LRRC37A2: variants seen among roughly 807,000 people sequenced by gnomAD.
LRRC37A2 encodes leucine-rich repeat-containing protein 37A2.
LRRC37A2 carries 9 observed loss-of-function variants against 68.8 expected under a neutral mutation model. That is an observed-to-expected ratio of 0.13 (90% CI 0.08 to 0.23). The LOEUF (loss-of-function observed/expected upper bound fraction) is 0.23. Among genes scored for constraint, LRRC37A2 ranks in the 10% least tolerant of loss-of-function variants. The pLI, the probability that LRRC37A2 is intolerant of heterozygous loss-of-function variation, is 1.00. For missense variants in LRRC37A2, 168 were observed against 950.4 expected (o/e 0.18, Z 10.82); for synonymous variants, 63 against 367.6 (o/e 0.17, Z 9.48).
chr17:47,019,791 T>G, the LRRC37A2 span: 1 of 1,165,414 alleles, frequency 8.6e-7, no homozygotes, highest in African/African-American at 1.6e-5. Flanking sequence ...AATGGCACCT[T>G]CACCATCTTG....
the LRRC37A2 span, among the ~76,000 whole-genome samples, chr17:46,708,824 T>TA: frequency 0.34 from 18,104 of 53,504 alleles, 2,183 homozygotes; most frequent in South Asian, 0.58. Context: ...ATATATATAT[T>TA]TTTTTTTTTT....
chr17:46,791,323 C>T, the LRRC37A2 span, among the ~76,000 whole-genome samples: 1 of 152,104 alleles, frequency 6.6e-6, no homozygotes, highest in Non-Finnish European at 1.5e-5. Context: ...AAGCGATTCT[C>T]CTCCTGAGTA....
the LRRC37A2 span, among the ~76,000 whole-genome samples, chr17:46,896,014 C>T: frequency 2.2e-3 from 332 of 152,172 alleles, no homozygotes; most frequent in South Asian, 2.5e-3. Context: ...CGCAGTGGCT[C>T]ATGCCTGTAA....
the LRRC37A2 span, among the ~76,000 whole-genome samples, chr17:46,953,829 A>T: frequency 6.6e-6 from 1 of 152,166 alleles, no homozygotes; most frequent in African/African-American, 2.4e-5. Context: ...TGGCTGCATA[A>T]ATGTCTTCTT....
the LRRC37A2 span, among the ~76,000 whole-genome samples, chr17:46,988,642 C>T: frequency 6.6e-6 from 1 of 152,034 alleles, no homozygotes; most frequent in South Asian, 2.1e-4. Flanking sequence ...AGTGGTCAGG[C>T]CAAGGTGGAG....
At chr17:46,875,108 A>C in the LRRC37A2 span, 1 of 1,613,674 alleles carries the variant, frequency 6.2e-7, no homozygotes, top group Non-Finnish European at 8.5e-7. Context: ...CAGGCTTCAA[A>C]GAGACAGCTT....
the LRRC37A2 span, among the ~76,000 whole-genome samples, chr17:47,003,675 C>G: frequency 6.6e-6 from 1 of 151,922 alleles, no homozygotes; most frequent in Non-Finnish European, 1.5e-5. Flanking sequence ...CCTGGGATTT[C>G]TCCCATCCAG....
At chr17:46,720,900 C>T in the LRRC37A2 span, among the ~76,000 whole-genome samples, 1 of 152,150 alleles carries the variant, frequency 6.6e-6, no homozygotes, top group African/African-American at 2.4e-5. Context: ...CTTGTGATCC[C>T]GAAAGGCTGG....
chr17:46,830,721 C>G, the LRRC37A2 span: 2 of 398,512 alleles, frequency 5.0e-6, no homozygotes, highest in Non-Finnish European at 8.8e-6. Flanking sequence ...GGTGACACTT[C>G]TCATGGCTAG....
chr17:46,810,071 A>G, the LRRC37A2 span, among the ~76,000 whole-genome samples: 2 of 148,056 alleles, frequency 1.4e-5, no homozygotes, highest in Admixed American at 6.8e-5. Context: ...CAGTGGTGCA[A>G]TCTCGGCTCA....
At chr17:46,711,439 A>G in the LRRC37A2 span, among the ~76,000 whole-genome samples, 1 of 152,212 alleles carries the variant, frequency 6.6e-6, no homozygotes, top group African/African-American at 2.4e-5. Context: ...TATTTTAGTC[A>G]TTGAACTAGT....
chr17:46,923,844 T>A, the LRRC37A2 span: 1 of 399,132 alleles, frequency 2.5e-6, no homozygotes, highest in Non-Finnish European at 4.4e-6. Context: ...GTCCTGCACT[T>A]TCGGAATTGC....
the LRRC37A2 span, among the ~76,000 whole-genome samples, chr17:46,973,529 A>G: frequency 1.3e-5 from 2 of 152,150 alleles, no homozygotes; most frequent in African/African-American, 2.4e-5. Context: ...CTCCTTATCC[A>G]TGGACTGGAG....
At chr17:46,931,938 G>T in the LRRC37A2 span, 1 of 801,520 alleles carries the variant, frequency 1.2e-6, no homozygotes, top group Admixed American at 1.8e-5. Context: ...CTTGTGGTGA[G>T]GGGGTATAGT....
At chr17:46,932,060 A>G in the LRRC37A2 span, 32 of 1,613,158 alleles carry the variant, frequency 2.0e-5, no homozygotes, top group Non-Finnish European at 2.6e-5. Flanking sequence ...CTCTCCATCA[A>G]TTCCAGTCGG....
the LRRC37A2 span, among the ~76,000 whole-genome samples, chr17:46,919,426 G>A: frequency 2.6e-5 from 4 of 152,162 alleles, no homozygotes; most frequent in African/African-American, 9.7e-5. Flanking sequence ...GCCTAAATAC[G>A]TATAAAGACT....
chr17:46,923,067 T>G, the LRRC37A2 span: 1 of 718,428 alleles, frequency 1.4e-6, no homozygotes. Flanking sequence ...AAGGCGCGCG[T>G]GCGGGCAGCC....
At chr17:46,927,959 T>G in the LRRC37A2 span, among the ~76,000 whole-genome samples, 2 of 151,960 alleles carry the variant, frequency 1.3e-5, no homozygotes, top group Admixed American at 6.6e-5. Flanking sequence ...TTCCTTAGAG[T>G]CCTAATTCTC....
chr17:46,899,869 T>C, the LRRC37A2 span, among the ~76,000 whole-genome samples: 1 of 151,984 alleles, frequency 6.6e-6, no homozygotes, highest in African/African-American at 2.4e-5. Flanking sequence ...TGACCCCACC[T>C]GGAATTAAGG....
Sources: gnomAD v4.1 joint callset for allele counts (sites outside exome capture counted in the v4.1 genomes callset) on GRCh38, gnomAD v4.1.1 for gene constraint, MANE v1.5 for transcripts, NCBI Gene and HGNC (gene_info 2026-07-23, HGNC 2026-07-21) for gene names.